Variants in PREX1 observed in about 807,000 individuals in gnomAD.
PREX1 encodes the protein phosphatidylinositol-3,4,5-trisphosphate dependent Rac exchange factor 1.
In PREX1, 41 loss-of-function variants were observed where a neutral mutation model predicts 198.3. The observed-to-expected ratio is 0.21, with a 90% CI of 0.16 to 0.27. The LOEUF (loss-of-function observed/expected upper bound fraction) is 0.27. PREX1 is among the 10% of genes least tolerant of loss of function. PREX1 has a pLI of 1.00. For synonymous variants in PREX1, 843 were observed against 887.2 expected (o/e 0.95, Z 0.89); for missense variants, 1,620 against 2,200.7 (o/e 0.74, Z 5.28).
At chr20:48,750,414 T>A (rs1472231082) in intron 1 of PREX1, among the ~76,000 whole-genome samples, 1 of 152,192 alleles carries the variant, frequency 6.6e-6, no homozygotes, top group Non-Finnish European at 1.5e-5. Flanking sequence ...GCACTTAAAA[T>A]CCAAATCTTT....
intron 7 of PREX1, among the ~76,000 whole-genome samples, chr20:48,695,573 T>C (rs922630675): frequency 2.6e-5 from 4 of 152,376 alleles, no homozygotes; most frequent in Non-Finnish European, 5.9e-5. Context: ...CCACATCCTC[T>C]ATAACTGGTA....
At chr20:48,745,002 A>AG (rs1415115234) in intron 3 of PREX1, 23 bp downstream of exon 3, 1 of 1,612,046 alleles carries the variant, frequency 6.2e-7, no homozygotes, top group Non-Finnish European at 8.5e-7. Flanking sequence ...AGAGTCCACC[A>AG]GGGGCAGTGG....
intron 1 of PREX1, among the ~76,000 whole-genome samples, chr20:48,796,361 G>T (rs2090362316): frequency 6.6e-6 from 1 of 150,554 alleles, no homozygotes; most frequent in African/African-American, 2.4e-5. Flanking sequence ...TATCATTTTT[G>T]AAATGAGGCA....
intron 16 of PREX1, 127 bp downstream of exon 16, chr20:48,659,792 T>G: frequency 7.4e-7 from 1 of 1,342,398 alleles, no homozygotes; most frequent in Non-Finnish European, 1.0e-6. Context: ...CCCTACCACC[T>G]AGAATCCACC....
chr20:48,812,541 C>T (rs1005316065), intron 1 of PREX1, among the ~76,000 whole-genome samples: 5 of 151,378 alleles, frequency 3.3e-5, no homozygotes, highest in Non-Finnish European at 7.4e-5. Context: ...TACTAGAATG[C>T]TATTATTAAA....
chr20:48,785,677 T>A (rs1270591405), intron 1 of PREX1, among the ~76,000 whole-genome samples: 1 of 152,198 alleles, frequency 6.6e-6, no homozygotes, highest in African/African-American at 2.4e-5. Flanking sequence ...CTCTTTGGGC[T>A]TTTACCTCCA....
At chr20:48,744,986 A>G (rs755888952) in intron 3 of PREX1, 39 bp downstream of exon 3, 17 of 1,605,838 alleles carry the variant, frequency 1.1e-5, no homozygotes, top group Non-Finnish European at 1.4e-5. Context: ...CCACTTTTCA[A>G]AAACTAGAGT....
At position 48,666,380 on chromosome 20, in the gene PREX1, G is replaced by T; in HGVS notation, c.1666-25C>A. 2.0e-6 allele frequency: 3 copies of T among 1,536,126 alleles called. No individual in the cohort carries two copies. The highest frequency in any genetic ancestry group is 1.4e-5 in the African/African-American group (1 of 72,902). ...CCTGGAATGGAACAAGAAGGGGAGGGTGTTAGGTGGCAGCATCCGAGAGGC... is the reference window on the plus strand; with the variant it reads ...CCTGGAATGGAACAAGAAGGGGAGGTTGTTAGGTGGCAGCATCCGAGAGGC... On this transcript the variant is annotated intron_variant, in intron 14 of 39. Transcript: ENST00000371941. The surrounding 1 kb of genome is among the most constrained non-coding windows in gnomAD (Gnocchi z 4.3).
chr20:48,701,903 C>A (rs1319697144), intron 6 of PREX1, among the ~76,000 whole-genome samples: 1 of 151,976 alleles, frequency 6.6e-6, no homozygotes, highest in African/African-American at 2.4e-5. Flanking sequence ...AGTGAGCAGA[C>A]CTTGGAAGAC....
At chr20:48,778,416 G>A (rs1002722707) in intron 1 of PREX1, among the ~76,000 whole-genome samples, 7 of 134,564 alleles carry the variant, frequency 5.2e-5, no homozygotes, top group Non-Finnish European at 9.6e-5. Flanking sequence ...TCTACTAAAA[G>A]TCAAAAATCA....
chr20:48,763,558 T>A (rs1417590443), intron 1 of PREX1, among the ~76,000 whole-genome samples: 1 of 152,194 alleles, frequency 6.6e-6, no homozygotes, highest in Non-Finnish European at 1.5e-5. Flanking sequence ...TTTTGTTTTT[T>A]CCTCAGTCCA....
the PREX1 span, among the ~76,000 whole-genome samples, chr20:48,843,091 T>C: frequency 1.5e-3 from 229 of 152,334 alleles, 2 homozygotes; most frequent in Admixed American, 4.5e-3. Flanking sequence ...AAGGTCAACC[T>C]TGACTCTCGT....
intron 1 of PREX1, among the ~76,000 whole-genome samples, chr20:48,794,168 A>G (rs150252805): frequency 6.6e-6 from 1 of 152,300 alleles, no homozygotes; most frequent in Non-Finnish European, 1.5e-5. Flanking sequence ...GAGCCCCTCT[A>G]AACCAAGGCC....
chr20:48,821,678 G>A (rs1178601184), intron 1 of PREX1: 1 of 152,262 alleles, frequency 6.6e-6, no homozygotes, highest in Non-Finnish European at 1.5e-5. Context: ...GAGAGCGGCT[G>A]TGAAGCAAAT....
At chr20:48,677,309 C>T (rs534849324) in intron 13 of PREX1, among the ~76,000 whole-genome samples, 1 of 152,268 alleles carries the variant, frequency 6.6e-6, no homozygotes, top group Non-Finnish European at 1.5e-5. Context: ...TGACATCCCA[C>T]GGGGCCAGCA....
At position 48,651,536 on chromosome 20, in the gene PREX1, T is replaced by C. The variant is rs1402110249; in HGVS notation, c.2515A>G (p.Ser839Gly). 1 of 1,614,150 alleles carries C rather than the reference T, an allele frequency of 6.2e-7. No individual in the cohort carries two copies. Among genetic ancestry groups the C allele is most frequent in the Non-Finnish European group, 8.5e-7 (1 of 1,180,006 alleles). ...TCCACAGTCAGGGTGACCATGGGGC[T>C]GTCCTCACACAGGCTCAGCCGGGGA... ...LGPRLSLCEDSPMVTLTVDNV... is the reference protein window; with the variant it reads ...LGPRLSLCEDGPMVTLTVDNV... The change falls in exon 22 of 40, where the codon AGC becomes GGC. Residue 839 changes from serine (S) to glycine (G), a missense_variant. Physicochemically the swap from Ser to Gly is moderately conservative, Grantham distance 56. This residue lies in a region of PREX1 where 514 missense variants were observed against 611.6 expected (regional missense o/e 0.84). Coordinates refer to ENST00000371941, the MANE Select transcript of PREX1 (RefSeq NM_020820.4).
intron 33 of PREX1, 46 bp from the exon 34 acceptor site, chr20:48,632,685 C>T (rs2089324882): frequency 1.9e-6 from 3 of 1,605,204 alleles, no homozygotes; most frequent in African/African-American, 2.7e-5. Flanking sequence ...GAGGCCAAGG[C>T]CAGGGGAAGC....
In PREX1 at chr20:48,679,634, G is replaced by T; in HGVS notation, c.1539+17C>A. The T allele has an allele frequency of 6.3e-7, 1 of 1,582,196 alleles. No homozygotes were observed. The highest frequency in any genetic ancestry group is 1.1e-5 in the South Asian group (1 of 90,402). On this transcript the variant is annotated intron_variant, in intron 12 of 39. Transcript: ENST00000371941. ...GAGGCCAGCTGAGTCAGAGTCACAG[G>T]GGCGGAGGGCCCCTACCTTGGACAT...
At chr20:48,681,573 T>C (rs2089750866) in intron 10 of PREX1, among the ~76,000 whole-genome samples, 2 of 151,606 alleles carry the variant, frequency 1.3e-5, no homozygotes, top group South Asian at 4.2e-4. Flanking sequence ...ACTGGATGGA[T>C]GCATGGATGG....
Sources: gnomAD v4.1 joint callset for allele counts (sites outside exome capture counted in the v4.1 genomes callset) on GRCh38, gnomAD v4.1.1 for gene constraint, gnomAD v4.1.1 regional missense constraint, Gnocchi (gnomAD v3.1) non-coding constraint, MANE v1.5 for transcripts, NCBI Gene and HGNC (gene_info 2026-07-23, HGNC 2026-07-21) for gene names.